NECAB3: variants seen among roughly 807,000 people sequenced by gnomAD.
The protein encoded by NECAB3 is N-terminal EF-hand calcium binding protein 3.
A neutral mutation model predicts 57.2 loss-of-function variants in NECAB3; 38 were observed. The observed-to-expected ratio is 0.66, with a 90% CI of 0.51 to 0.87. The LOEUF (loss-of-function observed/expected upper bound fraction) is 0.87. Ranked by LOEUF, NECAB3 falls within the 40% of genes least tolerant of loss-of-function variation. NECAB3 has a pLI of 0.00. For synonymous variants in NECAB3, 223 were observed against 222.6 expected, an observed-to-expected ratio of 1.00 and a Z score of -0.02; for missense variants, 474 against 527.5, an observed-to-expected ratio of 0.90 and a Z score of 0.99.
intron 5 of NECAB3, chr20:33,662,500 G>T (rs1211381794): frequency 1.3e-6 from 2 of 1,548,682 alleles, no homozygotes; most frequent in African/African-American, 2.7e-5. Flanking sequence ...GAGCAGGGCT[G>T]GGGAGGCAGC....
rs535208947 is a variant in NECAB3 at position 33,657,934 on chromosome 20, C to T, written c.1162+8G>A. ...CAGGGCCACAGTGAGTGGGGGTCCACCGCATACCTGGGAAGAACACAGTGG... is the reference window on the plus strand; with the variant it reads ...CAGGGCCACAGTGAGTGGGGGTCCATCGCATACCTGGGAAGAACACAGTGG... On this transcript the variant is annotated splice_region_variant and intron_variant, in intron 11 of 11. Coordinates refer to ENST00000246190, the MANE Select transcript of NECAB3 (RefSeq NM_031232.4). The T allele has an allele frequency of 1.2e-5, 19 of 1,554,042 alleles. No homozygotes were observed. Among genetic ancestry groups the T allele is most frequent in the East Asian group, 4.9e-5 (2 of 40,988 alleles).
intron 5 of NECAB3, chr20:33,667,323 G>C: frequency 1.2e-6 from 1 of 817,634 alleles, no homozygotes; most frequent in Admixed American, 4.3e-5. Context: ...AGCACGGCGT[G>C]GTGGCGGACT....
At chr20:33,670,417 G>C (rs2017805072) in intron 3 of NECAB3, 1 of 401,504 alleles carries the variant, frequency 2.5e-6, no homozygotes, top group Non-Finnish European at 4.5e-6. Flanking sequence ...GGCATCCTCT[G>C]GTCCCTGTGG....
chr20:33,660,542 C>A lies in NECAB3; in HGVS notation c.388-147G>T, dbSNP rs1238373571. 31 of 1,096,794 alleles carry A rather than the reference C, an allele frequency of 2.8e-5. No homozygotes were observed. The highest frequency in any genetic ancestry group is 4.0e-5 in the Non-Finnish European group (31 of 777,780). 67.9% of individuals were successfully genotyped at this position (1,096,794 alleles called of 1,614,324 possible). A position where few individuals can be genotyped will look rare whatever the true frequency, so the allele number is the denominator to read the frequency against. On this transcript the variant is annotated intron_variant, in intron 5 of 11. Transcript: ENST00000246190. This position sits in a 1 kb window ranked among gnomAD's most constrained non-coding sequence, Gnocchi z 4.1. ...TGGCACAGGCAGGAGGGTACTGAGA[C>A]CTGATGGGCAGGGAGGGTCTGGATC...
intron 3 of NECAB3, chr20:33,670,476 A>AT: frequency 2.2e-6 from 1 of 451,974 alleles, no homozygotes; most frequent in Non-Finnish European, 3.9e-6. Flanking sequence ...AGACTTGGCT[A>AT]TTTTGGGGTC....
At chr20:33,667,824 T>C in intron 5 of NECAB3, 1 of 1,611,844 alleles carries the variant, frequency 6.2e-7, no homozygotes, top group Non-Finnish European at 8.5e-7. Context: ...TCAGCGTGGG[T>C]AACGGGTGCT....
chr20:33,663,690 A>ACTGCTG (rs755984673), intron 5 of NECAB3: 6 of 1,580,006 alleles, frequency 3.8e-6, no homozygotes, highest in Admixed American at 3.5e-5. Flanking sequence ...GGATGCCGGT[A>ACTGCTG]CTGCTGCTGC....
intron 5 of NECAB3, among the ~76,000 whole-genome samples, chr20:33,668,889 GT>G (rs1568901584): frequency 6.6e-6 from 1 of 152,238 alleles, no homozygotes; most frequent in Admixed American, 6.5e-5. Flanking sequence ...GTTCGAGCTT[GT>G]GTATACACGT....
intron 4 of NECAB3, 82 bp from the exon 5 acceptor site, chr20:33,669,554 C>A: frequency 6.4e-7 from 1 of 1,563,652 alleles, no homozygotes; most frequent in Non-Finnish European, 8.7e-7. Context: ...TGGAATTCCT[C>A]AGCAGCCAAG....
chr20:33,663,318 C>A, intron 5 of NECAB3: 1 of 570,356 alleles, frequency 1.8e-6, no homozygotes, highest in South Asian at 2.2e-5. Flanking sequence ...AGAAAGGAGG[C>A]GGAGTCCGGG....
chr20:33,659,508 C>G lies in NECAB3; in HGVS notation c.868G>C (p.Gly290Arg). 6.7e-7 allele frequency: 1 copy of G among 1,492,774 alleles called. No individual in the cohort carries two copies. Among genetic ancestry groups the G allele is most frequent in the South Asian group, 1.3e-5 (1 of 76,852 alleles). The allele number at this position is 1,492,774 out of a possible 1,614,324, so 92.5% of individuals were successfully genotyped here. A position where few individuals can be genotyped will look rare whatever the true frequency, so the allele number is the denominator to read the frequency against. Residue 290 changes from glycine (G) to arginine (R), a missense_variant, in exon 8 of 12, where the codon GGG becomes CGG. By Grantham distance (125) the Gly-to-Arg change is moderately radical. Transcript: ENST00000246190. ...TCTCCTGGGCTCACCAAGTCAGGCC[C>G]CTTGGCCAGGTCCTCTTCACGCAGG... ...EPLREEDLAKGPDLHILMAQR... is the reference protein window; with the variant it reads ...EPLREEDLAKRPDLHILMAQR...
chr20:33,658,161 G>T, intron 10 of NECAB3, 128 bp from the exon 11 acceptor site: 1 of 817,640 alleles, frequency 1.2e-6, no homozygotes, highest in Non-Finnish European at 1.9e-6. Flanking sequence ...ACACGGGGAA[G>T]CTGTGTGGGT....
chr20:33,663,491 C>G, intron 5 of NECAB3: 1 of 1,582,028 alleles, frequency 6.3e-7, no homozygotes, highest in Non-Finnish European at 8.6e-7. Flanking sequence ...GGGCTCGGCC[C>G]TAGCGCGCTC....
In NECAB3 at chr20:33,674,345, C is replaced by T. The variant is rs1378110527; in HGVS notation, c.8G>A (p.Cys3Tyr). 2.5e-6 allele frequency: 3 copies of T among 1,196,190 alleles called. No homozygotes were observed. The highest frequency in any genetic ancestry group is 3.1e-6 in the Non-Finnish European group (3 of 965,098). 74.1% of individuals were successfully genotyped at this position (1,196,190 alleles called of 1,614,324 possible). Residue 3 changes from cysteine to tyrosine, a missense_variant, in exon 1 of 12, where the codon TGC becomes TAC. By Grantham distance (194) the Cys-to-Tyr change is radical. Transcript: ENST00000246190. The part of the protein sequence containing the change: MA[C>Y]AGLLTVCLLR... Reference sequence around the variant, plus strand: ...CAGGCACACGGTGAGCAGCCCCGCGCACGCCATGGCGCCGCCACCCGCTCG... The same window carrying T: ...CAGGCACACGGTGAGCAGCCCCGCGTACGCCATGGCGCCGCCACCCGCTCG...
chr20:33,671,310 T>C (rs1205639362), intron 2 of NECAB3, among the ~76,000 whole-genome samples: 4 of 152,158 alleles, frequency 2.6e-5, no homozygotes, highest in Non-Finnish European at 4.4e-5. Flanking sequence ...CAGGGGCATG[T>C]AAGCAGAGGC....
At chr20:33,669,745 T>C (rs1365427271) in intron 3 of NECAB3, 33 bp from the exon 4 acceptor site, 1 of 1,562,726 alleles carries the variant, frequency 6.4e-7, no homozygotes, top group Admixed American at 2.0e-5. Context: ...CCTTCAGACC[T>C]GGGCCTGGTA....
chr20:33,668,162 TC>T, intron 5 of NECAB3: 1 of 1,612,544 alleles, frequency 6.2e-7, no homozygotes. Flanking sequence ...CTGCACTCCT[TC>T]CAGCGCCGCT....
At chr20:33,661,482 A>G (rs547468790) in intron 5 of NECAB3, among the ~76,000 whole-genome samples, 8 of 152,216 alleles carry the variant, frequency 5.3e-5, no homozygotes, top group Non-Finnish European at 1.2e-4. Context: ...GGGACAGAGA[A>G]GAGGCTGGGT....
rs1381853835 is a variant in NECAB3, at chr20:33,660,093, G to T, written c.525-90C>A. The T allele has an allele frequency of 1.3e-6, 2 of 1,520,614 alleles. No homozygotes were observed. Among genetic ancestry groups the T allele is most frequent in the African/African-American group, 2.8e-5 (2 of 72,680 alleles). 94.2% of individuals were successfully genotyped at this position (1,520,614 alleles called of 1,614,324 possible). On this transcript the variant is annotated intron_variant, in intron 6 of 11. Coordinates refer to ENST00000246190, the MANE Select transcript of NECAB3 (RefSeq NM_031232.4). The surrounding 1 kb of genome is among the most constrained non-coding windows in gnomAD (Gnocchi z 4.1). ...GAAGACAAGCCTCCTGGGACTCCGA[G>T]GCCTAGCCCCAAAGCCAGTCTCATT...
Sources: gnomAD v4.1 joint callset for allele counts (sites outside exome capture counted in the v4.1 genomes callset) on GRCh38, gnomAD v4.1.1 for gene constraint, Gnocchi (gnomAD v3.1) non-coding constraint, MANE v1.5 for transcripts, NCBI Gene and HGNC (gene_info 2026-07-23, HGNC 2026-07-21) for gene names.